PPP2R2B: variants seen among roughly 807,000 people sequenced by gnomAD.
The protein encoded by PPP2R2B is protein phosphatase 2 regulatory subunit Bbeta.
PPP2R2B carries 5 observed loss-of-function variants against 46.0 expected under a neutral mutation model. The ratio of observed to expected loss-of-function variants is 0.11; its 90% CI spans 0.06 to 0.23. The LOEUF is 0.23. PPP2R2B is among the 10% of genes least tolerant of loss of function. PPP2R2B has a pLI of 1.00. For synonymous variants in PPP2R2B, 215 were observed against 206.7 expected (o/e 1.04, Z -0.34); for missense variants, 367 against 575.0 (o/e 0.64, Z 3.70).
At chr5:146,861,527 C>T (rs1306776926) in intron 2 of PPP2R2B, among the ~76,000 whole-genome samples, 1 of 152,182 alleles carries the variant, frequency 6.6e-6, no homozygotes, top group African/African-American at 2.4e-5. Flanking sequence ...AGGAAGAACT[C>T]AGGTGAATAT....
intron 1 of PPP2R2B, among the ~76,000 whole-genome samples, chr5:146,926,625 T>C (rs970645321): frequency 2.0e-5 from 3 of 152,178 alleles, no homozygotes; most frequent in Non-Finnish European, 4.4e-5. Context: ...ACATCATTTA[T>C]GTTCAAACAC....
At chr5:147,002,046 C>T (rs112679860) in intron 1 of PPP2R2B, among the ~76,000 whole-genome samples, 2,154 of 152,228 alleles carry the variant, frequency 0.014, 32 homozygotes, top group Non-Finnish European at 0.024. Context: ...TGACCCTTGC[C>T]TCCTGGGTCC....
intron 1 of PPP2R2B, among the ~76,000 whole-genome samples, chr5:146,976,264 G>T (rs779761660): frequency 5.9e-5 from 9 of 151,416 alleles, no homozygotes; most frequent in Non-Finnish European, 1.5e-5. Flanking sequence ...CAGCCTCCCG[G>T]GTAGCTGGGA....
chr5:146,659,509 C>T (rs457830), intron 5 of PPP2R2B, among the ~76,000 whole-genome samples: 143,357 of 152,258 alleles, frequency 0.94, 67,840 homozygotes, highest in East Asian at 1. Context: ...CCCTCCTTAA[C>T]GTTGGGGATA....
At chr5:146,638,992 C>T (rs920181321) in intron 6 of PPP2R2B, among the ~76,000 whole-genome samples, 2 of 152,192 alleles carry the variant, frequency 1.3e-5, no homozygotes, top group Non-Finnish European at 2.9e-5. Context: ...ATATCATGTA[C>T]TTTATCTCAT....
intron 1 of PPP2R2B, among the ~76,000 whole-genome samples, chr5:146,948,540 C>T (rs1238638699): frequency 6.6e-6 from 1 of 151,698 alleles, no homozygotes; most frequent in East Asian, 1.9e-4. Context: ...GAAAAGAAGG[C>T]TTAAATTCTT....
chr5:146,649,212 G>A (rs1008075763), intron 6 of PPP2R2B, among the ~76,000 whole-genome samples: 2 of 152,146 alleles, frequency 1.3e-5, no homozygotes, highest in Non-Finnish European at 2.9e-5. Flanking sequence ...GGGGAGGCTG[G>A]TAAGTGGAAG....
At chr5:146,927,637 C>T (rs1763822399) in intron 1 of PPP2R2B, among the ~76,000 whole-genome samples, 1 of 152,134 alleles carries the variant, frequency 6.6e-6, no homozygotes, top group Non-Finnish European at 1.5e-5. Flanking sequence ...CAACTTTCTT[C>T]CCCACTAACC....
At chr5:146,621,380 C>T (rs895590723) in intron 7 of PPP2R2B, among the ~76,000 whole-genome samples, 13 of 152,328 alleles carry the variant, frequency 8.5e-5, no homozygotes, top group South Asian at 8.3e-4. Context: ...AGAGCTAGGA[C>T]GTAAACCCAA....
At chr5:146,856,991 A>C (rs921669210) in intron 2 of PPP2R2B, among the ~76,000 whole-genome samples, 14 of 152,192 alleles carry the variant, frequency 9.2e-5, no homozygotes, top group African/African-American at 3.4e-4. Flanking sequence ...AATGCACGTT[A>C]AAGTTTGAAA....
chr5:146,881,002 G>A (rs1050584227), upstream of PPP2R2B, among the ~76,000 whole-genome samples: 1 of 151,908 alleles, frequency 6.6e-6, no homozygotes, highest in African/African-American at 2.4e-5. Context: ...ATAACACAAC[G>A]ACCTGTGGTG....
intron 2 of PPP2R2B, among the ~76,000 whole-genome samples, chr5:146,837,546 CAT>C (rs1759360382): frequency 1.3e-5 from 2 of 152,066 alleles, no homozygotes; most frequent in Admixed American, 1.3e-4. Flanking sequence ...ATGTGAGACA[CAT>C]ATGTGGTTTA....
chr5:146,666,911 T>C (rs1777013762), intron 5 of PPP2R2B, among the ~76,000 whole-genome samples: 1 of 152,220 alleles, frequency 6.6e-6, no homozygotes, highest in Admixed American at 6.5e-5. Context: ...CCAAGTTGAA[T>C]CTATTCTATA....
intron 7 of PPP2R2B, among the ~76,000 whole-genome samples, chr5:146,619,693 A>T (rs1030067757): frequency 2.0e-5 from 3 of 152,164 alleles, no homozygotes; most frequent in African/African-American, 7.2e-5. Flanking sequence ...TGACCTGATT[A>T]ACTCCCTGCA....
At chr5:146,826,864 C>T (rs1489433782) in intron 2 of PPP2R2B, among the ~76,000 whole-genome samples, 1 of 152,128 alleles carries the variant, frequency 6.6e-6, no homozygotes, top group African/African-American at 2.4e-5. Context: ...CATCTGTCAA[C>T]AAATCATCTA....
At chr5:146,653,819 C>T (rs1776143863) in intron 5 of PPP2R2B, among the ~76,000 whole-genome samples, 1 of 151,904 alleles carries the variant, frequency 6.6e-6, no homozygotes, top group African/African-American at 2.4e-5. Flanking sequence ...GGGGATGGAG[C>T]CTCTAATGCT....
chr5:146,996,097 A>G (rs940068692), intron 1 of PPP2R2B, among the ~76,000 whole-genome samples: 1 of 152,194 alleles, frequency 6.6e-6, no homozygotes, highest in Admixed American at 6.5e-5. Flanking sequence ...AGGACCAAGG[A>G]CAGTAGGATG....
chr5:146,846,846 C>A (rs906330476), intron 2 of PPP2R2B, among the ~76,000 whole-genome samples: 8 of 152,078 alleles, frequency 5.3e-5, no homozygotes, highest in African/African-American at 1.4e-4. Flanking sequence ...ATGCTTATGA[C>A]TTTTTCTTAA....
intron 1 of PPP2R2B, among the ~76,000 whole-genome samples, chr5:146,924,507 C>G (rs924161749): frequency 6.6e-6 from 1 of 151,888 alleles, no homozygotes; most frequent in African/African-American, 2.4e-5. Flanking sequence ...GACAGGACAA[C>G]AGGAGTCACC....
Sources: allele counts gnomAD v4.1 joint callset (sites outside exome capture counted in the v4.1 genomes callset), GRCh38; gene constraint gnomAD v4.1.1; transcripts MANE v1.5; gene names NCBI Gene and HGNC (gene_info 2026-07-23, HGNC 2026-07-21).